The following COL24A1 variants were observed in gnomAD, a reference collection of about 807,000 sequenced individuals.
The protein encoded by COL24A1 is collagen alpha-1(XXIV) chain.
In COL24A1, 224 loss-of-function variants were observed where a neutral mutation model predicts 253.9. That is an observed-to-expected ratio of 0.88 (90% CI 0.79 to 0.99). COL24A1 has a LOEUF of 0.99. Ranked by LOEUF, COL24A1 falls within the 50% of genes least tolerant of loss-of-function variation. COL24A1 has a pLI of 0.00. For missense variants in COL24A1, 2,131 were observed against 2,068.5 expected (o/e 1.03, Z -0.59); for synonymous variants, 685 against 673.7 (o/e 1.02, Z -0.26).
Position 85,965,076 on chromosome 1 carries a change from G to A in COL24A1, c.2464-14C>T. On this transcript the variant is annotated splice_polypyrimidine_tract_variant and intron_variant, in intron 22 of 59. Coordinates refer to ENST00000370571, the MANE Select transcript of COL24A1 (RefSeq NM_152890.7). ...ACCTGGTTTTCCCTAGAAGAGAACAGCATAAAAGAAGAAAGTATATATGTT... is the reference window on the plus strand; with the variant it reads ...ACCTGGTTTTCCCTAGAAGAGAACAACATAAAAGAAGAAAGTATATATGTT... The A allele has an allele frequency of 6.3e-7, 1 of 1,597,256 alleles. No homozygotes were observed. Among genetic ancestry groups the A allele is most frequent in the Non-Finnish European group, 8.5e-7 (1 of 1,171,280 alleles).
chr1:85,950,694 T>C (rs1234364294), intron 24 of COL24A1, among the ~76,000 whole-genome samples: 1 of 152,172 alleles, frequency 6.6e-6, no homozygotes, highest in East Asian at 1.9e-4. Context: ...TCACGAATCA[T>C]GGCGCTTAAA....
At chr1:85,922,027 G>A (rs751558042) in intron 24 of COL24A1, among the ~76,000 whole-genome samples, 2 of 152,168 alleles carry the variant, frequency 1.3e-5, no homozygotes, top group Non-Finnish European at 2.9e-5. Flanking sequence ...GCATGCACAA[G>A]CTTCAATAGC....
At chr1:85,964,904 G>T in intron 23 of COL24A1, 105 bp downstream of exon 23, 1 of 928,690 alleles carries the variant, frequency 1.1e-6, no homozygotes, top group Non-Finnish European at 1.7e-6. Context: ...ACATCTCACT[G>T]GTTCTTTTTA....
At chr1:85,823,943 T>C (rs113814882) in intron 43 of COL24A1, among the ~76,000 whole-genome samples, 82 of 152,222 alleles carry the variant, frequency 5.4e-4, no homozygotes, top group Admixed American at 5.2e-4. Context: ...TTTCTTTCTT[T>C]CTTTCTTTCT....
intron 1 of COL24A1, among the ~76,000 whole-genome samples, chr1:86,148,763 G>T (rs968867180): frequency 6.6e-6 from 1 of 152,032 alleles, no homozygotes; most frequent in African/African-American, 2.4e-5. Flanking sequence ...TGGACATTTG[G>T]GTTGGTTCCA....
intron 48 of COL24A1, among the ~76,000 whole-genome samples, chr1:85,785,885 C>T (rs906726669): frequency 6.6e-6 from 1 of 152,168 alleles, no homozygotes; most frequent in Non-Finnish European, 1.5e-5. Flanking sequence ...ATGTGACAGA[C>T]TCCACACAAT....
At chr1:85,844,419 A>C (rs147986766) in intron 39 of COL24A1, among the ~76,000 whole-genome samples, 1 of 152,220 alleles carries the variant, frequency 6.6e-6, no homozygotes, top group East Asian at 1.9e-4. Context: ...AGTGGCACTC[A>C]AAAGGGAACA....
chr1:85,978,209 C>T (rs999428413), intron 20 of COL24A1, among the ~76,000 whole-genome samples: 1 of 152,066 alleles, frequency 6.6e-6, no homozygotes, highest in African/African-American at 2.4e-5. Flanking sequence ...GTCAGCACTA[C>T]AAGAACTGCT....
chr1:86,030,218 T>C (rs1019497458), intron 14 of COL24A1: 1 of 152,198 alleles, frequency 6.6e-6, no homozygotes, highest in Non-Finnish European at 1.5e-5. Context: ...CTTCAAGCCA[T>C]GGAAGAAAAA....
chr1:86,020,427 C>T (rs1697419703), intron 18 of COL24A1, among the ~76,000 whole-genome samples: 1 of 152,046 alleles, frequency 6.6e-6, no homozygotes, highest in Non-Finnish European at 1.5e-5. Flanking sequence ...AAGGTGATAG[C>T]CAGTAGGTTA....
chr1:85,908,986 T>C (rs1685113060), intron 26 of COL24A1, among the ~76,000 whole-genome samples: 1 of 151,790 alleles, frequency 6.6e-6, no homozygotes, highest in Admixed American at 6.6e-5. Flanking sequence ...TGTTATCTTA[T>C]CCATGGATAT....
At chr1:85,805,141 T>G (rs2101826057) in intron 47 of COL24A1, among the ~76,000 whole-genome samples, 1 of 152,296 alleles carries the variant, frequency 6.6e-6, no homozygotes, top group African/African-American at 2.4e-5. Context: ...TGCACCTGGG[T>G]GGCAAATATT....
At chr1:86,015,594 A>T (rs629719) in intron 19 of COL24A1, among the ~76,000 whole-genome samples, 23 of 152,016 alleles carry the variant, frequency 1.5e-4, no homozygotes, top group Non-Finnish European at 3.1e-4. Flanking sequence ...TAATAATAGG[A>T]CAATACAGTC....
intron 23 of COL24A1, among the ~76,000 whole-genome samples, chr1:85,962,147 C>T (rs1691145560): frequency 6.6e-6 from 1 of 152,020 alleles, no homozygotes. Flanking sequence ...GTTCTATTTG[C>T]TCAAATAGAA....
intron 14 of COL24A1, 45 bp downstream of exon 14, chr1:86,031,833 C>G: frequency 6.6e-7 from 1 of 1,513,562 alleles, no homozygotes; most frequent in East Asian, 2.3e-5. Context: ...ATAAATTGCA[C>G]AATAAAATAT....
intron 24 of COL24A1, among the ~76,000 whole-genome samples, chr1:85,916,104 A>G (rs1415133982): frequency 1.3e-5 from 2 of 152,210 alleles, no homozygotes; most frequent in African/African-American, 2.4e-5. Context: ...TACTTTATAT[A>G]TAAAGATTTA....
At chr1:86,033,726 C>A in intron 13 of COL24A1, 144 bp downstream of exon 13, 1 of 658,922 alleles carries the variant, frequency 1.5e-6, no homozygotes. Flanking sequence ...GCTGAAAAAT[C>A]ACAAACTGGA....
chr1:85,882,155 A>C (rs963887264), intron 32 of COL24A1, among the ~76,000 whole-genome samples: 3 of 152,146 alleles, frequency 2.0e-5, no homozygotes, highest in African/African-American at 7.2e-5. Context: ...GTGGTGTGAG[A>C]GCAAACATTG....
At chr1:86,023,724 A>T (rs1298897623) in intron 14 of COL24A1, among the ~76,000 whole-genome samples, 2 of 152,154 alleles carry the variant, frequency 1.3e-5, no homozygotes, top group African/African-American at 4.8e-5. Context: ...CTTAGAAAAA[A>T]CTTCAATATG....
Sources: allele counts gnomAD v4.1 joint callset (sites outside exome capture counted in the v4.1 genomes callset), GRCh38; gene constraint gnomAD v4.1.1; transcripts MANE v1.5; gene names NCBI Gene and HGNC (gene_info 2026-07-23, HGNC 2026-07-21).